Variants in FIG4 observed in about 807,000 individuals in gnomAD.
FIG4 encodes the protein polyphosphoinositide phosphatase.
FIG4 carries 112 observed loss-of-function variants against 118.6 expected under a neutral mutation model. That is an observed-to-expected ratio of 0.94 (90% CI 0.81 to 1.11). The LOEUF (loss-of-function observed/expected upper bound fraction) is 1.11. FIG4 is among the 50% of genes least tolerant of loss of function. The probability of loss-of-function intolerance (pLI) is 0.00; values close to 1 mark genes in which losing one functional copy is unlikely to be tolerated. For missense variants in FIG4, 969 were observed against 1,111.7 expected (o/e 0.87, Z 1.83); for synonymous variants, 369 against 381.2 (o/e 0.97, Z 0.37).
intron 7 of FIG4, 30 bp downstream of exon 7, chr6:109,738,483 A>G (rs1262231192): frequency 1.3e-6 from 2 of 1,592,534 alleles, no homozygotes; most frequent in Non-Finnish European, 1.7e-6. Flanking sequence ...AGTAAGATAC[A>G]TATTACTAAA....
chr6:109,811,464 A>G (rs549521280), intron 22 of FIG4, among the ~76,000 whole-genome samples: 55 of 152,332 alleles, frequency 3.6e-4, no homozygotes, highest in African/African-American at 1.3e-3. Flanking sequence ...TATAATTATT[A>G]TCATAGCCAC....
At chr6:109,777,201 C>T (rs1273884542) in intron 16 of FIG4, 141 bp downstream of exon 16, 3 of 689,954 alleles carry the variant, frequency 4.3e-6, no homozygotes, top group Non-Finnish European at 7.1e-6. Flanking sequence ...TTTGTGGGTA[C>T]GTAGTAGGTG....
At chr6:109,713,637 G>A (rs553388127) in intron 1 of FIG4, among the ~76,000 whole-genome samples, 3 of 152,282 alleles carry the variant, frequency 2.0e-5, no homozygotes, top group East Asian at 1.9e-4. Flanking sequence ...ATGCGCACAC[G>A]TGCACTGGTA....
intron 22 of FIG4, among the ~76,000 whole-genome samples, chr6:109,811,036 CT>C (rs1173040544): frequency 2.6e-5 from 4 of 152,088 alleles, no homozygotes; most frequent in African/African-American, 9.7e-5. Context: ...TAAAACCAAG[CT>C]GGTAAAATTT....
intron 22 of FIG4, among the ~76,000 whole-genome samples, chr6:109,824,662 C>A (rs1779106153): frequency 6.6e-6 from 1 of 152,184 alleles, no homozygotes; most frequent in Non-Finnish European, 1.5e-5. Context: ...GTGAGGTAGG[C>A]ATTCTTATTC....
intron 22 of FIG4, among the ~76,000 whole-genome samples, chr6:109,807,131 G>A (rs914749363): frequency 1.3e-5 from 2 of 152,184 alleles, no homozygotes; most frequent in African/African-American, 2.4e-5. Flanking sequence ...ACCCAATAAT[G>A]GGATTGCTGG....
intron 21 of FIG4, among the ~76,000 whole-genome samples, chr6:109,795,112 T>A (rs1216157229): frequency 9.3e-6 from 1 of 107,200 alleles, no homozygotes; most frequent in African/African-American, 3.5e-5. Flanking sequence ...TTTTTTTTTT[T>A]TTTTTTTTTT....
chr6:109,751,835 C>CT (rs1219269078), intron 10 of FIG4, among the ~76,000 whole-genome samples: 13 of 139,496 alleles, frequency 9.3e-5, no homozygotes, highest in African/African-American at 1.9e-4. Context: ...TATTTTTTTT[C>CT]TTTTTTTTTA....
chr6:109,728,530 A>G (rs1775887996), intron 4 of FIG4, among the ~76,000 whole-genome samples: 1 of 152,212 alleles, frequency 6.6e-6, no homozygotes, highest in African/African-American at 2.4e-5. Flanking sequence ...GTACTTTTGT[A>G]GTGTTCCAAT....
At chr6:109,723,835 G>A (rs1775686659) in intron 3 of FIG4, among the ~76,000 whole-genome samples, 1 of 152,232 alleles carries the variant, frequency 6.6e-6, no homozygotes, top group South Asian at 2.1e-4. Flanking sequence ...GAGAAGTGGA[G>A]GAGCTTGGTC....
chr6:109,715,261 T>C (rs1036695912), intron 2 of FIG4, 85 bp downstream of exon 2: 2 of 699,604 alleles, frequency 2.9e-6, no homozygotes, highest in African/African-American at 1.8e-5. Flanking sequence ...TTTTTAGTGA[T>C]ATATTATTTT....
chr6:109,787,497 T>C (rs1778008187), intron 18 of FIG4, among the ~76,000 whole-genome samples: 1 of 152,192 alleles, frequency 6.6e-6, no homozygotes, highest in South Asian at 2.1e-4. Flanking sequence ...TAGAAGTTGT[T>C]AACTCAGCAA....
intron 3 of FIG4, among the ~76,000 whole-genome samples, chr6:109,721,359 G>A (rs7764711): frequency 1.3e-5 from 2 of 151,892 alleles, no homozygotes; most frequent in African/African-American, 2.4e-5. Flanking sequence ...GCTGTTCTCA[G>A]TGGAGGCTTT....
At chr6:109,728,053 A>G (rs1311919705) in intron 4 of FIG4, among the ~76,000 whole-genome samples, 1 of 152,232 alleles carries the variant, frequency 6.6e-6, no homozygotes, top group African/African-American at 2.4e-5. Context: ...TGGACTACAT[A>G]CTAGTGATCT....
At position 109,715,263 on chromosome 6, in the gene FIG4, T is replaced by C. The variant is rs574813153; in HGVS notation, c.165+87T>C. 2.7e-4 allele frequency: 190 copies of C among 691,038 alleles called. 2 individuals carry two copies. In the South Asian group the frequency reaches 2.9e-3, roughly 11 times the overall value. The allele number at this position is 691,038 out of a possible 1,614,324, so 42.8% of individuals were successfully genotyped here. A position where few individuals can be genotyped will look rare whatever the true frequency, so the allele number is the denominator to read the frequency against. ...AATATCCTTACAGTTTTTAGTGATA[T>C]ATTATTTTTATCATAAATCTAAAAG... On this transcript the variant is annotated intron_variant, in intron 2 of 22. Transcript: ENST00000230124.
intron 22 of FIG4, among the ~76,000 whole-genome samples, chr6:109,809,584 A>C (rs1405371700): frequency 1.3e-5 from 2 of 152,174 alleles, no homozygotes; most frequent in African/African-American, 4.8e-5. Context: ...TATTTATGTC[A>C]ATATGCATTA....
At chr6:109,698,922 T>C (rs113890572) in intron 1 of FIG4, among the ~76,000 whole-genome samples, 5 of 152,218 alleles carry the variant, frequency 3.3e-5, no homozygotes, top group Non-Finnish European at 7.4e-5. Context: ...TATTAATACA[T>C]TCAGGATATT....
In FIG4 at chr6:109,741,506, G is replaced by A; in HGVS notation, c.838G>A (p.Ala280Thr). 1.9e-6 allele frequency: 3 copies of A among 1,613,188 alleles called. No homozygotes were observed. The highest frequency in any genetic ancestry group is 2.5e-6 in the Non-Finnish European group (3 of 1,179,322). ...TLIARRSSKFAGTRFLKRGAN... is the reference protein window; with the variant it reads ...TLIARRSSKFTGTRFLKRGAN... ...AATAGCTAGAAGATCCAGTAAATTTGCTGGCACCCGTTTTCTTAAAAGAGG... is the reference window on the plus strand; with the variant it reads ...AATAGCTAGAAGATCCAGTAAATTTACTGGCACCCGTTTTCTTAAAAGAGG... Residue 280 changes from alanine to threonine, a missense_variant, in exon 8 of 23, where the codon GCT becomes ACT. By Grantham distance (58) the Ala-to-Thr change is moderately conservative. Transcript: ENST00000230124.
intron 15 of FIG4, among the ~76,000 whole-genome samples, chr6:109,776,119 A>T (rs532765801): frequency 6.6e-6 from 1 of 152,234 alleles, no homozygotes; most frequent in South Asian, 2.1e-4. Context: ...AACGAAGGAC[A>T]CTAGGGAGGA....
Sources: allele counts gnomAD v4.1 joint callset (sites outside exome capture counted in the v4.1 genomes callset), GRCh38; gene constraint gnomAD v4.1.1; transcripts MANE v1.5; gene names NCBI Gene and HGNC (gene_info 2026-07-23, HGNC 2026-07-21).